The following FHIT variants were observed in gnomAD, a reference collection of about 807,000 sequenced individuals.
FHIT encodes bis(5'-adenosyl)-triphosphatase.
FHIT carries 19 observed loss-of-function variants against 17.9 expected under a neutral mutation model. The observed-to-expected ratio is 1.06, with a 90% CI of 0.74 to 1.56. FHIT has a LOEUF of 1.56. Among genes scored for constraint, FHIT ranks in the 40% most tolerant of loss-of-function variants. FHIT has a pLI of 0.00. For synonymous variants in FHIT, 81 were observed against 69.7 expected (o/e 1.16, Z -0.81); for missense variants, 248 against 189.2 (o/e 1.31, Z -1.82).
chr3:59,901,135 T>C (rs1704310878), intron 8 of FHIT, among the ~76,000 whole-genome samples: 1 of 152,256 alleles, frequency 6.6e-6, no homozygotes, highest in Non-Finnish European at 1.5e-5. Context: ...TCTAAACTAT[T>C]GTCTGAACTT....
intron 5 of FHIT, among the ~76,000 whole-genome samples, chr3:60,514,961 G>C (rs1268898255): frequency 6.6e-6 from 1 of 151,884 alleles, no homozygotes. Context: ...TCTGTCACAA[G>C]AGCATGTGAG....
At chr3:60,344,836 GC>G (rs1453419629) in intron 5 of FHIT, among the ~76,000 whole-genome samples, 1 of 151,808 alleles carries the variant, frequency 6.6e-6, no homozygotes, top group Admixed American at 6.6e-5. Context: ...AATTTTATTA[GC>G]CAAGATATCA....
intron 5 of FHIT, among the ~76,000 whole-genome samples, chr3:60,042,503 C>A (rs887097650): frequency 2.6e-5 from 4 of 152,182 alleles, no homozygotes; most frequent in African/African-American, 7.2e-5. Context: ...TGTTCCAGGA[C>A]TCTCTCCTTG....
At chr3:60,221,101 C>T (rs1222393778) in intron 5 of FHIT, among the ~76,000 whole-genome samples, 3 of 152,144 alleles carry the variant, frequency 2.0e-5, no homozygotes, top group South Asian at 2.1e-4. Flanking sequence ...ATGTGCCCTA[C>T]AGCTCACAAG....
intron 5 of FHIT, among the ~76,000 whole-genome samples, chr3:60,407,748 C>A (rs1424348509): frequency 6.6e-6 from 1 of 152,080 alleles, no homozygotes; most frequent in South Asian, 2.1e-4. Context: ...AATTCCTGAC[C>A]TCAAATGATC....
intron 5 of FHIT, among the ~76,000 whole-genome samples, chr3:60,399,582 A>C (rs1410407349): frequency 6.6e-6 from 1 of 152,122 alleles, no homozygotes; most frequent in Non-Finnish European, 1.5e-5. Flanking sequence ...TCACATACAC[A>C]ATGAAGCAAT....
In FHIT at chr3:60,170,828, T is replaced by C. The variant is rs571379361; in HGVS notation, c.104-156676A>G. ...CAGGTAATCTATATAATTTAATAGATAAACCTATTTAATTATCTATTTTTT... is the reference window on the plus strand; with the variant it reads ...CAGGTAATCTATATAATTTAATAGACAAACCTATTTAATTATCTATTTTTT... On this transcript the variant is annotated intron_variant, in intron 5 of 9. Transcript: ENST00000492590. 3.2e-4 allele frequency among the ~76,000 whole-genome samples: 49 copies of C among 152,280 alleles called. 1 individual carries two copies. Among genetic ancestry groups the C allele is most frequent in the Middle Eastern group, 3.4e-3 (1 of 294 alleles).
At chr3:60,662,975 T>G (rs1459797363) in intron 4 of FHIT, among the ~76,000 whole-genome samples, 1 of 151,584 alleles carries the variant, frequency 6.6e-6, no homozygotes, top group Non-Finnish European at 1.5e-5. Context: ...TCTAGCATCA[T>G]TTGTTGAAAG....
At chr3:59,814,814 G>A (rs1191241789) in intron 8 of FHIT, among the ~76,000 whole-genome samples, 1 of 152,104 alleles carries the variant, frequency 6.6e-6, no homozygotes, top group Non-Finnish European at 1.5e-5. Flanking sequence ...CTTTTCTTGT[G>A]TAGTTCCCTT....
At chr3:60,986,468 TAGAAA>T (rs1710724296) in intron 3 of FHIT, among the ~76,000 whole-genome samples, 1 of 152,212 alleles carries the variant, frequency 6.6e-6, no homozygotes, top group South Asian at 2.1e-4. Flanking sequence ...GAAATGCTGA[TAGAAA>T]AGAAAACTGT....
At chr3:60,209,762 G>C (rs1458930792) in intron 5 of FHIT, among the ~76,000 whole-genome samples, 1 of 152,142 alleles carries the variant, frequency 6.6e-6, no homozygotes, top group African/African-American at 2.4e-5. Flanking sequence ...CCATAAAAAG[G>C]AATGAGATCA....
At chr3:61,066,963 A>G (rs946684511) in intron 2 of FHIT, among the ~76,000 whole-genome samples, 3 of 152,194 alleles carry the variant, frequency 2.0e-5, no homozygotes, top group African/African-American at 7.2e-5. Context: ...CAACCCACCA[A>G]TTGGTTAAGC....
At chr3:60,338,606 G>T (rs10510840) in intron 5 of FHIT, among the ~76,000 whole-genome samples, 1 of 152,070 alleles carries the variant, frequency 6.6e-6, no homozygotes, top group Non-Finnish European at 1.5e-5. Context: ...AGTTCAAAAA[G>T]CATGGTTACC....
intron 3 of FHIT, among the ~76,000 whole-genome samples, chr3:60,840,622 G>C (rs573200131): frequency 6.6e-6 from 1 of 152,280 alleles, no homozygotes; most frequent in African/African-American, 2.4e-5. Context: ...TGTTTATTTA[G>C]AATTGATTGT....
At chr3:60,914,469 T>C (rs1234730872) in intron 3 of FHIT, among the ~76,000 whole-genome samples, 1 of 151,776 alleles carries the variant, frequency 6.6e-6, no homozygotes, top group Non-Finnish European at 1.5e-5. Flanking sequence ...GGAAGGACGG[T>C]TGTGCAGTGA....
intron 4 of FHIT, among the ~76,000 whole-genome samples, chr3:60,588,669 G>C (rs1163677091): frequency 1.3e-5 from 2 of 151,994 alleles, no homozygotes; most frequent in African/African-American, 4.8e-5. Context: ...TTATTTTTGA[G>C]ACAGGGTCTT....
chr3:59,926,172 A>G (rs1281757816), intron 7 of FHIT, among the ~76,000 whole-genome samples: 3 of 152,222 alleles, frequency 2.0e-5, no homozygotes, highest in East Asian at 3.9e-4. Flanking sequence ...TTAGCACATT[A>G]AAGTATGAGA....
intron 5 of FHIT, among the ~76,000 whole-genome samples, chr3:60,245,043 G>A (rs555098724): frequency 2.6e-5 from 4 of 151,996 alleles, no homozygotes; most frequent in Admixed American, 2.6e-4. Flanking sequence ...TTAATTAAAA[G>A]GTAAAAACTG....
chr3:60,308,167 G>T (rs1438937964), intron 5 of FHIT, among the ~76,000 whole-genome samples: 2 of 152,142 alleles, frequency 1.3e-5, no homozygotes, highest in Admixed American at 6.6e-5. Context: ...ACTTCAGTCA[G>T]TCTCAGCTCC....
Sources: gnomAD v4.1 joint callset for allele counts (sites outside exome capture counted in the v4.1 genomes callset) on GRCh38, gnomAD v4.1.1 for gene constraint, MANE v1.5 for transcripts, NCBI Gene and HGNC (gene_info 2026-07-23, HGNC 2026-07-21) for gene names.